SCHIP1: variants seen among roughly 807,000 people sequenced by gnomAD.
The protein encoded by SCHIP1 is schwannomin interacting protein 1.
A neutral mutation model predicts 29.7 loss-of-function variants in SCHIP1; 8 were observed. That is an observed-to-expected ratio of 0.27 (90% CI 0.16 to 0.49). The LOEUF (loss-of-function observed/expected upper bound fraction) is 0.49, where lower values mean the gene tolerates loss of function less well. SCHIP1 is among the 20% of genes least tolerant of loss of function. The pLI, the probability that SCHIP1 is intolerant of heterozygous loss-of-function variation, is 0.99. For synonymous variants in SCHIP1, 76 were observed against 94.9 expected, an observed-to-expected ratio of 0.80 and a Z score of 1.16; for missense variants, 193 against 294.6, an observed-to-expected ratio of 0.66 and a Z score of 2.52.
chr3:159,794,347 A>G, the SCHIP1 span, among the ~76,000 whole-genome samples: 712 of 152,330 alleles, frequency 4.7e-3, 5 homozygotes, highest in Non-Finnish European at 6.6e-3. Context: ...GCCAATTTTT[A>G]GATTTTCAGG....
the SCHIP1 span, among the ~76,000 whole-genome samples, chr3:159,397,081 T>C: frequency 6.6e-6 from 1 of 151,518 alleles, no homozygotes; most frequent in East Asian, 1.9e-4. Context: ...TCATCTTCCA[T>C]TGCTGATACC....
At chr3:159,584,399 A>C in the SCHIP1 span, among the ~76,000 whole-genome samples, 5 of 152,210 alleles carry the variant, frequency 3.3e-5, no homozygotes, top group African/African-American at 4.8e-5. Flanking sequence ...TCTTTCAAGA[A>C]GCTCAAATTT....
the SCHIP1 span, among the ~76,000 whole-genome samples, chr3:159,526,949 G>A: frequency 2.0e-5 from 3 of 152,184 alleles, no homozygotes; most frequent in African/African-American, 7.2e-5. Flanking sequence ...GGAACAAAAG[G>A]TCGCTTTTCC....
At chr3:159,523,011 T>TACCC in the SCHIP1 span, among the ~76,000 whole-genome samples, 1 of 152,178 alleles carries the variant, frequency 6.6e-6, no homozygotes, top group Non-Finnish European at 1.5e-5. Context: ...AACTTCCATA[T>TACCC]ACCCATTATC....
chr3:159,620,263 C>T, the SCHIP1 span, among the ~76,000 whole-genome samples: 1 of 152,184 alleles, frequency 6.6e-6, no homozygotes, highest in Non-Finnish European at 1.5e-5. Context: ...TTTTGTAATA[C>T]TAAAATGTAT....
At chr3:159,644,736 T>C in the SCHIP1 span, among the ~76,000 whole-genome samples, 1 of 152,132 alleles carries the variant, frequency 6.6e-6, no homozygotes, top group African/African-American at 2.4e-5. Context: ...AATCACAAGA[T>C]TATCCATTTT....
chr3:159,632,985 T>G, the SCHIP1 span, among the ~76,000 whole-genome samples: 15 of 152,262 alleles, frequency 9.9e-5, no homozygotes, highest in African/African-American at 3.6e-4. Context: ...TTTAGTTCAG[T>G]TATAGCCCCA....
At chr3:159,324,743 A>G in the SCHIP1 span, among the ~76,000 whole-genome samples, 5 of 152,148 alleles carry the variant, frequency 3.3e-5, no homozygotes, top group Non-Finnish European at 7.4e-5. Flanking sequence ...AGGATTAATA[A>G]TAGAGGGACT....
At chr3:159,412,951 G>A in the SCHIP1 span, among the ~76,000 whole-genome samples, 1 of 152,126 alleles carries the variant, frequency 6.6e-6, no homozygotes, top group Non-Finnish European at 1.5e-5. Context: ...AATTTATAAA[G>A]GAAAAAGGTT....
chr3:159,401,921 A>C, the SCHIP1 span, among the ~76,000 whole-genome samples: 1 of 152,206 alleles, frequency 6.6e-6, no homozygotes, highest in Non-Finnish European at 1.5e-5. Context: ...TGGCAACAAA[A>C]GCCAAAATGG....
intron 2 of SCHIP1, among the ~76,000 whole-genome samples, chr3:159,870,167 T>C (rs1715100995): frequency 6.6e-6 from 1 of 152,044 alleles, no homozygotes; most frequent in African/African-American, 2.4e-5. Flanking sequence ...TGATATCATC[T>C]ACAAATAATG....
chr3:159,879,899 C>G (rs1716263216), intron 2 of SCHIP1, among the ~76,000 whole-genome samples: 1 of 152,160 alleles, frequency 6.6e-6, no homozygotes, highest in Non-Finnish European at 1.5e-5. Flanking sequence ...TTGCCTAAGT[C>G]AGTGAGGAGA....
At chr3:159,850,542 CAAAAAAAAAAA>C (rs61224003) in intron 1 of SCHIP1, among the ~76,000 whole-genome samples, 3 of 104,938 alleles carry the variant, frequency 2.9e-5, no homozygotes, top group Non-Finnish European at 4.0e-5. Context: ...GATTCCATCT[CAAAAAAAAAAA>C]AAAAAAAAAA....
chr3:159,379,189 AAATAACTAG>A, the SCHIP1 span, among the ~76,000 whole-genome samples: 1 of 151,998 alleles, frequency 6.6e-6, no homozygotes, highest in African/African-American at 2.4e-5. Context: ...TAATTACTGG[AAATAACTAG>A]AATAACTAGG....
the SCHIP1 span, among the ~76,000 whole-genome samples, chr3:159,347,830 A>G: frequency 6.6e-6 from 1 of 152,174 alleles, no homozygotes; most frequent in Non-Finnish European, 1.5e-5. Context: ...TAGCCCTACA[A>G]AGGAGAGAAG....
the SCHIP1 span, among the ~76,000 whole-genome samples, chr3:159,543,366 C>T: frequency 9.2e-6 from 1 of 108,350 alleles, no homozygotes; most frequent in Admixed American, 9.2e-5. Flanking sequence ...CCCCTCCCCC[C>T]TCCCCCCACC....
At chr3:159,636,908 A>G in the SCHIP1 span, among the ~76,000 whole-genome samples, 1 of 152,246 alleles carries the variant, frequency 6.6e-6, no homozygotes, top group Non-Finnish European at 1.5e-5. Context: ...TTGCCTCTCC[A>G]ATACTTTATT....
chr3:159,528,548 G>T, the SCHIP1 span, among the ~76,000 whole-genome samples: 1 of 152,210 alleles, frequency 6.6e-6, no homozygotes, highest in African/African-American at 2.4e-5. Flanking sequence ...TAATTGTGTC[G>T]CTTCCTGCAC....
At chr3:159,702,637 G>T in the SCHIP1 span, among the ~76,000 whole-genome samples, 2 of 152,168 alleles carry the variant, frequency 1.3e-5, no homozygotes, top group Non-Finnish European at 2.9e-5. Flanking sequence ...GAAAAAATGC[G>T]CTCTGAAAAT....
Sources: allele counts gnomAD v4.1 joint callset (sites outside exome capture counted in the v4.1 genomes callset), GRCh38; gene constraint gnomAD v4.1.1; transcripts MANE v1.5; gene names NCBI Gene and HGNC (gene_info 2026-07-23, HGNC 2026-07-21).